Variants in CACNA1B observed in about 807,000 individuals in gnomAD.
CACNA1B encodes calcium voltage-gated channel subunit alpha1 B.
In CACNA1B, 70 loss-of-function variants were observed where a neutral mutation model predicts 247.2. The observed-to-expected ratio is 0.28, with a 90% CI of 0.23 to 0.35. The LOEUF is 0.35. Ranked by LOEUF, CACNA1B falls within the 10% of genes least tolerant of loss-of-function variation. CACNA1B has a pLI of 1.00. For synonymous variants in CACNA1B, 1,231 were observed against 1,294.4 expected, an observed-to-expected ratio of 0.95 and a Z score of 1.05; for missense variants, 2,367 against 3,197.4, an observed-to-expected ratio of 0.74 and a Z score of 6.26.
At chr9:138,106,329 C>T (rs1191931501) in intron 39 of CACNA1B, among the ~76,000 whole-genome samples, 1 of 152,188 alleles carries the variant, frequency 6.6e-6, no homozygotes, top group Non-Finnish European at 1.5e-5. Flanking sequence ...CAGCCCCACC[C>T]CCCTGCGTCT....
At chr9:138,006,184 C>G (rs2133412203) in intron 15 of CACNA1B, among the ~76,000 whole-genome samples, 1 of 152,074 alleles carries the variant, frequency 6.6e-6, no homozygotes, top group South Asian at 2.1e-4. Flanking sequence ...GGCAAAATTT[C>G]CATTTTGGGT....
rs763829213 is a variant in CACNA1B at position 138,053,851 on chromosome 9, G to A, written c.3813G>A (p.Val1271=). ...TIKRLPKLKA[V]FDCVVNSLKN... ...CTCCACCCCTCCTCCTGCAGGCTGT[G>A]TTTGACTGTGTGGTGAACTCCCTGA... Residue 1271 remains valine (V), a synonymous_variant, in exon 26 of 47, where the codon GTG becomes GTA. Transcript: ENST00000371372. 1.9e-6 allele frequency: 3 copies of A among 1,612,136 alleles called. No individual in the cohort carries two copies. The highest frequency in any genetic ancestry group is 2.5e-6 in the Non-Finnish European group (3 of 1,178,628).
At chr9:137,983,643 G>C (rs541425065) in intron 12 of CACNA1B, among the ~76,000 whole-genome samples, 1 of 152,286 alleles carries the variant, frequency 6.6e-6, no homozygotes, top group African/African-American at 2.4e-5. Context: ...TTATGAATCT[G>C]AGTATCTTGG....
chr9:138,110,577 A>G (rs968377364), intron 39 of CACNA1B, among the ~76,000 whole-genome samples: 2 of 152,138 alleles, frequency 1.3e-5, no homozygotes, highest in African/African-American at 4.8e-5. Flanking sequence ...AAATAATTTT[A>G]AAAAATCAGC....
intron 3 of CACNA1B, among the ~76,000 whole-genome samples, chr9:137,904,716 G>A (rs140554155): frequency 6.6e-6 from 1 of 152,092 alleles, no homozygotes; most frequent in East Asian, 1.9e-4. Context: ...CTAATGGTCT[G>A]CCAGGTGATG....
intron 39 of CACNA1B, among the ~76,000 whole-genome samples, chr9:138,109,123 AT>A (rs1325924351): frequency 6.6e-6 from 1 of 152,258 alleles, no homozygotes; most frequent in East Asian, 1.9e-4. Flanking sequence ...TCCATTCATG[AT>A]TTTTAAAATT....
chr9:137,975,093 T>C (rs1958202978), intron 11 of CACNA1B, among the ~76,000 whole-genome samples: 1 of 152,064 alleles, frequency 6.6e-6, no homozygotes, highest in Non-Finnish European at 1.5e-5. Flanking sequence ...GCTTCCCTCT[T>C]TCTGCTTGGG....
At chr9:137,889,473 TCTGGGG>T (rs1413066494) in intron 3 of CACNA1B, among the ~76,000 whole-genome samples, 1 of 146,450 alleles carries the variant, frequency 6.8e-6, no homozygotes, top group South Asian at 2.2e-4. Flanking sequence ...GCCCCCGTGT[TCTGGGG>T]CTGGGGCTGG....
At chr9:138,112,307 C>G in intron 39 of CACNA1B, 91 bp from the exon 40 acceptor site, 1 of 863,018 alleles carries the variant, frequency 1.2e-6, no homozygotes, top group South Asian at 1.4e-5. Context: ...CATTCATCTC[C>G]CCACCTGCAC....
intron 36 of CACNA1B, among the ~76,000 whole-genome samples, chr9:138,079,874 CAAAA>C (rs145080243): frequency 4.3e-5 from 5 of 115,932 alleles, no homozygotes; most frequent in East Asian, 2.3e-4. Flanking sequence ...GACTCTGTCT[CAAAA>C]AAAAAAAAAA....
chr9:137,937,920 C>T (rs185253327), intron 6 of CACNA1B, among the ~76,000 whole-genome samples: 73 of 121,384 alleles, frequency 6.0e-4, no homozygotes, highest in South Asian at 1.9e-3. Context: ...GCACTCCAGC[C>T]GGGGCAACAA....
At chr9:138,117,675 C>T (rs1415900643) in intron 42 of CACNA1B, among the ~76,000 whole-genome samples, 1 of 152,220 alleles carries the variant, frequency 6.6e-6, no homozygotes, top group Non-Finnish European at 1.5e-5. Context: ...TGGTGCTCTG[C>T]ATCCTCTCTG....
intron 31 of CACNA1B, among the ~76,000 whole-genome samples, chr9:138,067,051 T>G (rs1250848055): frequency 6.6e-6 from 1 of 152,116 alleles, no homozygotes; most frequent in Non-Finnish European, 1.5e-5. Context: ...TGATGGTAGG[T>G]ACAGGAGAGA....
Position 138,041,625 on chromosome 9 carries a change from T to C in CACNA1B, c.3287-2149T>C, listed in dbSNP as rs1021598977. Among the ~76,000 whole-genome samples, 6 of 152,306 alleles carry C rather than the reference T, an allele frequency of 3.9e-5. No homozygotes were observed. The East Asian group carries it at 5.8e-4, about 15-fold the overall frequency. On this transcript the variant is annotated intron_variant, in intron 20 of 46. Coordinates refer to ENST00000371372, the MANE Select transcript of CACNA1B (RefSeq NM_000718.4). ...TTGATGACTTTCATATGATTTTCCA[T>C]GTTGTAGTAAATCGATTTCAGAGAA...
Position 137,952,244 on chromosome 9 carries a change from C to G in CACNA1B, c.967-30C>G. On this transcript the variant is annotated intron_variant, in intron 6 of 46. Transcript: ENST00000371372. The surrounding 1 kb of genome is among the most constrained non-coding windows in gnomAD (Gnocchi z 4.8). ...GGCCGGGACTGTGTTTTGTCCCTGT[C>G]CTTCCTCATCTCCCTCTCCTTGCTT... 1.3e-6 allele frequency: 2 copies of G among 1,582,520 alleles called. No individual in the cohort carries two copies. Among genetic ancestry groups the G allele is most frequent in the Non-Finnish European group, 1.7e-6 (2 of 1,151,400 alleles).
intron 10 of CACNA1B, among the ~76,000 whole-genome samples, chr9:137,966,316 C>T (rs1958075372): frequency 6.6e-6 from 1 of 151,428 alleles, no homozygotes; most frequent in Non-Finnish European, 1.5e-5. Flanking sequence ...GCTCTGCCTC[C>T]CGGGTTCATG....
intron 10 of CACNA1B, among the ~76,000 whole-genome samples, chr9:137,966,225 ATTT>A (rs963090283): frequency 2.1e-5 from 3 of 139,602 alleles, no homozygotes; most frequent in Admixed American, 1.4e-4. Context: ...TGCCTTTTAA[ATTT>A]TTTTTTTTTT....
chr9:137,949,153 G>GTGTGGTGTGTGCACGTCTGGCATA (rs1564203331), intron 6 of CACNA1B, among the ~76,000 whole-genome samples: 1 of 1,736 alleles, frequency 5.8e-4, no homozygotes, highest in Non-Finnish European at 1.1e-3. Context: ...CTGTGCATGT[G>GTGTGGTGTGTGCACGTCTGGCATA]TGTGGTGTGT....
chr9:137,991,178 A>T (rs1265287327), intron 15 of CACNA1B, among the ~76,000 whole-genome samples: 1 of 152,242 alleles, frequency 6.6e-6, no homozygotes, highest in Non-Finnish European at 1.5e-5. Context: ...CAACTTAAAG[A>T]AATAAAAAAC....
Sources: gnomAD v4.1 joint callset for allele counts (sites outside exome capture counted in the v4.1 genomes callset) on GRCh38, gnomAD v4.1.1 for gene constraint, Gnocchi (gnomAD v3.1) non-coding constraint, MANE v1.5 for transcripts, NCBI Gene and HGNC (gene_info 2026-07-23, HGNC 2026-07-21) for gene names.